CUL4A: variants seen among roughly 807,000 people sequenced by gnomAD.
CUL4A encodes the protein cullin-4A.
In CUL4A, 16 loss-of-function variants were observed where a neutral mutation model predicts 95.5. The observed-to-expected ratio is 0.17, with a 90% CI of 0.11 to 0.25. CUL4A has a LOEUF of 0.25. CUL4A is among the 10% of genes least tolerant of loss of function. The probability of loss-of-function intolerance (pLI) is 1.00; values close to 1 mark genes in which losing one functional copy is unlikely to be tolerated. For synonymous variants in CUL4A, 380 were observed against 353.1 expected, an observed-to-expected ratio of 1.08 and a Z score of -0.85; for missense variants, 610 against 937.0, an observed-to-expected ratio of 0.65 and a Z score of 4.56.
At chr13:113,236,021 G>C (rs926646096) in intron 8 of CUL4A, among the ~76,000 whole-genome samples, 1 of 151,024 alleles carries the variant, frequency 6.6e-6, no homozygotes. Flanking sequence ...GGACCCAGTA[G>C]GGAATGATAA....
intron 2 of CUL4A, among the ~76,000 whole-genome samples, chr13:113,213,147 G>A (rs189199799): frequency 2.0e-5 from 3 of 152,102 alleles, no homozygotes; most frequent in Admixed American, 6.5e-5. Context: ...CAGCACTTTG[G>A]GGGGCTGAGG....
At chr13:113,215,780 T>C (rs1228010790) in intron 2 of CUL4A, among the ~76,000 whole-genome samples, 11 of 97,850 alleles carry the variant, frequency 1.1e-4, no homozygotes, top group Non-Finnish European at 2.0e-4. Context: ...GGAGGTCTCG[T>C]CTGTGTGGCT....
intron 10 of CUL4A, among the ~76,000 whole-genome samples, chr13:113,241,246 T>G (rs887249967): frequency 2.0e-5 from 3 of 152,218 alleles, no homozygotes; most frequent in African/African-American, 7.2e-5. Context: ...AGTTCACCTT[T>G]GCAGTTTCCA....
intron 3 of CUL4A, among the ~76,000 whole-genome samples, chr13:113,225,788 GT>G (rs1566333796): frequency 6.6e-6 from 1 of 152,138 alleles, no homozygotes; most frequent in African/African-American, 2.4e-5. Context: ...CTTGGGATGG[GT>G]TTTTTTGTTT....
At chr13:113,211,111 C>A (rs1245299060) in intron 2 of CUL4A, among the ~76,000 whole-genome samples, 2 of 152,234 alleles carry the variant, frequency 1.3e-5, no homozygotes, top group Non-Finnish European at 2.9e-5. Flanking sequence ...ATTGCCATGA[C>A]CACTTTTGCA....
chr13:113,234,812 C>T (rs1041218588), intron 7 of CUL4A, among the ~76,000 whole-genome samples: 2 of 152,134 alleles, frequency 1.3e-5, no homozygotes, highest in African/African-American at 2.4e-5. Context: ...CTTGGTGGTG[C>T]ACAGGGACGA....
Position 113,244,424 on chromosome 13 carries a change from T to G in CUL4A, c.1243T>G (p.Ser415Ala). 6.2e-7 allele frequency: 1 copy of G among 1,613,308 alleles called. No individual in the cohort carries two copies. The highest frequency in any genetic ancestry group is 1.3e-5 in the African/African-American group (1 of 75,054). ...PAELIAKHVD[S>A]KLRAGNKEAT... ...TATGCTCACAGCAAAGCATGTGGAT[T>G]CAAAGTTAAGAGCAGGCAACAAAGA... Residue 415 changes from serine (S) to alanine (A), a missense_variant, in exon 12 of 20, where the codon TCA becomes GCA. By Grantham distance (99) the Ser-to-Ala change is moderately conservative (BLOSUM62 1). This residue lies in a region of CUL4A where 153 missense variants were observed against 244.5 expected (regional missense o/e 0.63). Coordinates refer to ENST00000375440, the MANE Select transcript of CUL4A (RefSeq NM_001008895.4).
chr13:113,266,406 A>G lies in CUL4A; in HGVS notation c.*2824A>G, dbSNP rs1314213841. On this transcript the variant is annotated 3_prime_UTR_variant, in exon 20 of 20. Coordinates refer to ENST00000375440, the MANE Select transcript of CUL4A (RefSeq NM_001008895.4). ...ACACCTATGTGAAAGGTATTATAAC[A>G]TTACTAAGGAACACAGGCCCTGAAT... The G allele has an allele frequency of 6.6e-6, 1 of 152,256 alleles. No homozygotes were observed. The highest frequency in any genetic ancestry group is 1.5e-5 in the Non-Finnish European group (1 of 68,050). The allele number at this position is 152,256 out of a possible 1,614,324, so 9.4% of individuals were successfully genotyped here.
Position 113,266,220 on chromosome 13 carries a change from T to C in CUL4A, c.*2638T>C, listed in dbSNP as rs888973913. 5.9e-5 allele frequency: 9 copies of C among 152,166 alleles called. No individual in the cohort carries two copies. Among genetic ancestry groups the C allele is most frequent in the Non-Finnish European group, 4.4e-5 (3 of 68,048 alleles). 9.4% of individuals were successfully genotyped at this position (152,166 alleles called of 1,614,324 possible). ...TTTTTATAGAGGCAGTGTCTTGCTA[T>C]GTTGCCAAGGCTGTTCTTGTACTCC... On this transcript the variant is annotated 3_prime_UTR_variant, in exon 20 of 20. Transcript: ENST00000375440.
chr13:113,234,287 TA>T (rs1455190097), intron 7 of CUL4A, among the ~76,000 whole-genome samples: 2 of 152,038 alleles, frequency 1.3e-5, no homozygotes, highest in Non-Finnish European at 2.9e-5. Flanking sequence ...CATGAAAACT[TA>T]AAAATATAAA....
At chr13:113,257,267 T>A (rs4907490) in intron 18 of CUL4A, among the ~76,000 whole-genome samples, 2 of 151,358 alleles carry the variant, frequency 1.3e-5, no homozygotes, top group South Asian at 4.2e-4. Context: ...TTTTTATTGG[T>A]TTTTTTTTCA....
At position 113,250,460 on chromosome 13, in the gene CUL4A, A is replaced by G. The variant is rs575693225; in HGVS notation, c.1639-2622A>G. ...GAGTGAGATCCGAGACCGTGTCTCA[A>G]AAAAAGAAAATAAAATAGCACTATG... is the stretch of plus-strand genomic sequence containing the variant. On this transcript the variant is annotated intron_variant, in intron 15 of 19. Coordinates refer to ENST00000375440, the MANE Select transcript of CUL4A (RefSeq NM_001008895.4). Among the ~76,000 whole-genome samples the G allele has an allele frequency of 2.6e-5, 4 of 152,328 alleles. No homozygotes were observed. In the East Asian group the frequency reaches 7.7e-4, roughly 29 times the overall value.
chr13:113,229,575 C>T (rs1397895492), intron 5 of CUL4A, 56 bp downstream of exon 5: 3 of 1,406,538 alleles, frequency 2.1e-6, no homozygotes, highest in African/African-American at 2.8e-5. Context: ...GCTTTTCGTC[C>T]CGTTTGTGTC....
chr13:113,220,090 T>C (rs962217587), intron 3 of CUL4A, among the ~76,000 whole-genome samples: 1 of 152,220 alleles, frequency 6.6e-6, no homozygotes, highest in African/African-American at 2.4e-5. Flanking sequence ...CTAAGTGTTC[T>C]TCTAGTTCAA....
At chr13:113,215,859 A>C (rs1327092465) in intron 2 of CUL4A, among the ~76,000 whole-genome samples, 1 of 132,760 alleles carries the variant, frequency 7.5e-6, no homozygotes, top group East Asian at 2.5e-4. Flanking sequence ...GTGACTATGG[A>C]GGTCTCGTCC....
At chr13:113,244,831 C>CA in intron 12 of CUL4A, 118 bp from the exon 13 acceptor site, 2 of 690,246 alleles carry the variant, frequency 2.9e-6, no homozygotes, top group Non-Finnish European at 4.9e-6. Context: ...CAGAGCAAGA[C>CA]TCTGTCTCAA....
At chr13:113,215,538 T>C (rs771394902) in intron 2 of CUL4A, among the ~76,000 whole-genome samples, 67 of 143,456 alleles carry the variant, frequency 4.7e-4, no homozygotes, top group Non-Finnish European at 7.6e-4. Context: ...TGTGGAGGTC[T>C]CTTTGTGACT....
intron 19 of CUL4A, among the ~76,000 whole-genome samples, chr13:113,261,606 T>A (rs1324578390): frequency 6.6e-6 from 1 of 152,144 alleles, no homozygotes; most frequent in Non-Finnish European, 1.5e-5. Flanking sequence ...GGAGCAAGTC[T>A]CCTGTTGCCA....
chr13:113,228,916 C>G (rs1411684449), intron 4 of CUL4A, among the ~76,000 whole-genome samples: 1 of 151,258 alleles, frequency 6.6e-6, no homozygotes, highest in Non-Finnish European at 1.5e-5. Context: ...GTCAGGAGAT[C>G]GAGACCATCC....
Sources: allele counts gnomAD v4.1 joint callset (sites outside exome capture counted in the v4.1 genomes callset), GRCh38; gene constraint gnomAD v4.1.1; regional missense constraint gnomAD v4.1.1; transcripts MANE v1.5; gene names NCBI Gene and HGNC (gene_info 2026-07-23, HGNC 2026-07-21).